The following RIMS1 variants were observed in gnomAD, a reference collection of about 807,000 sequenced individuals.
The protein encoded by RIMS1 is regulating synaptic membrane exocytosis 1.
In RIMS1, 83 loss-of-function variants were observed where a neutral mutation model predicts 214.1. That is an observed-to-expected ratio of 0.39 (90% CI 0.32 to 0.47). RIMS1 has a LOEUF of 0.47. Among genes scored for constraint, RIMS1 ranks in the 20% least tolerant of loss-of-function variants. RIMS1 has a pLI of 0.99. For missense variants in RIMS1, 2,050 were observed against 2,161.8 expected, an observed-to-expected ratio of 0.95 and a Z score of 1.03; for synonymous variants, 793 against 786.8, an observed-to-expected ratio of 1.01 and a Z score of -0.13.
chr6:72,357,849 A>G (rs1461630467), intron 29 of RIMS1, among the ~76,000 whole-genome samples: 2 of 152,230 alleles, frequency 1.3e-5, no homozygotes, highest in African/African-American at 4.8e-5. Context: ...GACAATGCTA[A>G]AAGTATCACC....
chr6:72,139,224 C>T (rs2041787144), intron 4 of RIMS1, among the ~76,000 whole-genome samples: 1 of 152,136 alleles, frequency 6.6e-6, no homozygotes, highest in Non-Finnish European at 1.5e-5. Context: ...TCCTCGTCTT[C>T]ACCACACCTC....
At chr6:72,307,974 A>G (rs952051585) in intron 27 of RIMS1, among the ~76,000 whole-genome samples, 2 of 152,150 alleles carry the variant, frequency 1.3e-5, no homozygotes, top group Admixed American at 6.5e-5. Context: ...AGCAAGATAT[A>G]TGAAGCCATT....
At chr6:72,073,566 A>G (rs1831076314) in intron 2 of RIMS1, among the ~76,000 whole-genome samples, 1 of 152,218 alleles carries the variant, frequency 6.6e-6, no homozygotes, top group South Asian at 2.1e-4. Context: ...TTCACATGAA[A>G]CTTAACACTG....
At chr6:72,261,958 GACAA>G (rs1394891016) in intron 19 of RIMS1, 11 of 984,284 alleles carry the variant, frequency 1.1e-5, no homozygotes, top group African/African-American at 5.3e-5. Flanking sequence ...ACTTGTTCTT[GACAA>G]ACAGTTTCTT....
At chr6:72,047,900 T>C (rs966550207) in intron 2 of RIMS1, among the ~76,000 whole-genome samples, 2 of 152,238 alleles carry the variant, frequency 1.3e-5, no homozygotes, top group African/African-American at 2.4e-5. Flanking sequence ...TTTGTCTTTA[T>C]TTGCTTTCTA....
chr6:71,935,355 T>C (rs560389764), intron 1 of RIMS1, among the ~76,000 whole-genome samples: 1 of 152,348 alleles, frequency 6.6e-6, no homozygotes, highest in East Asian at 1.9e-4. Context: ...ATTAATAGTA[T>C]GTCAGACACA....
chr6:72,284,849 G>GTATGTACACAGGCAT (rs1238860363), intron 24 of RIMS1, among the ~76,000 whole-genome samples: 1 of 152,096 alleles, frequency 6.6e-6, no homozygotes, highest in Non-Finnish European at 1.5e-5. Context: ...GGCATGCACA[G>GTATGTACACAGGCAT]GTACAGTATG....
At chr6:72,101,101 T>C (rs1179463463) in intron 4 of RIMS1, among the ~76,000 whole-genome samples, 2 of 151,960 alleles carry the variant, frequency 1.3e-5, no homozygotes, top group Admixed American at 6.6e-5. Flanking sequence ...AGAGTAAAAG[T>C]GTAAGTAAAT....
chr6:72,076,247 G>GT (rs2153751654), intron 2 of RIMS1, among the ~76,000 whole-genome samples: 1 of 152,270 alleles, frequency 6.6e-6, no homozygotes, highest in African/African-American at 2.4e-5. Context: ...TACCGATGAG[G>GT]AAACTCAGTA....
chr6:72,001,787 G>A (rs1254103720), intron 2 of RIMS1, among the ~76,000 whole-genome samples: 1 of 152,050 alleles, frequency 6.6e-6, no homozygotes, highest in Non-Finnish European at 1.5e-5. Flanking sequence ...ATTCTTTGAG[G>A]TTTCATGACT....
At chr6:72,205,612 A>G (rs1562573385) in intron 6 of RIMS1, among the ~76,000 whole-genome samples, 3 of 152,186 alleles carry the variant, frequency 2.0e-5, no homozygotes, top group African/African-American at 7.2e-5. Context: ...CTTTTCTGTA[A>G]CCCAAATAAT....
intron 28 of RIMS1, among the ~76,000 whole-genome samples, chr6:72,327,611 C>A (rs146230110): frequency 6.6e-6 from 1 of 151,908 alleles, no homozygotes; most frequent in African/African-American, 2.4e-5. Flanking sequence ...AAAGCAGCTG[C>A]ATCACTTTAC....
At chr6:72,322,345 A>G (rs760231594) in intron 28 of RIMS1, among the ~76,000 whole-genome samples, 5 of 152,138 alleles carry the variant, frequency 3.3e-5, no homozygotes, top group African/African-American at 1.2e-4. Flanking sequence ...ATAGGAATCA[A>G]TGTGGCAAAA....
At chr6:72,307,610 C>T (rs2095283769) in intron 27 of RIMS1, among the ~76,000 whole-genome samples, 1 of 149,622 alleles carries the variant, frequency 6.7e-6, no homozygotes. Context: ...CAAAAATTAG[C>T]CGGGCGTGCG....
At chr6:72,261,112 G>A (rs1257596427) in intron 19 of RIMS1, 2 of 1,182,728 alleles carry the variant, frequency 1.7e-6, no homozygotes, top group East Asian at 5.7e-5. Flanking sequence ...TTCCTGTCTA[G>A]TCACAAGAGG....
intron 29 of RIMS1, among the ~76,000 whole-genome samples, chr6:72,383,263 T>G (rs2098524453): frequency 6.6e-6 from 1 of 152,186 alleles, no homozygotes; most frequent in Non-Finnish European, 1.5e-5. Context: ...AATGAGACTT[T>G]TACTTGTCTA....
At chr6:72,366,102 A>G (rs1053475299) in intron 29 of RIMS1, among the ~76,000 whole-genome samples, 22 of 152,258 alleles carry the variant, frequency 1.4e-4, no homozygotes, top group African/African-American at 5.3e-4. Context: ...AGTGCTCAAC[A>G]GAAGTTAGAA....
At chr6:72,362,244 G>A (rs890935893) in intron 29 of RIMS1, among the ~76,000 whole-genome samples, 1 of 152,006 alleles carries the variant, frequency 6.6e-6, no homozygotes, top group African/African-American at 2.4e-5. Flanking sequence ...TTTAATTTAG[G>A]ATGAAGTAGT....
intron 1 of RIMS1, among the ~76,000 whole-genome samples, chr6:71,968,251 G>A (rs1193849415): frequency 1.3e-5 from 2 of 152,184 alleles, no homozygotes; most frequent in African/African-American, 4.8e-5. Context: ...CCAGTGCTCT[G>A]TAAGCCCTGT....
Sources: gnomAD v4.1 joint callset for allele counts (sites outside exome capture counted in the v4.1 genomes callset) on GRCh38, gnomAD v4.1.1 for gene constraint, MANE v1.5 for transcripts, NCBI Gene and HGNC (gene_info 2026-07-23, HGNC 2026-07-21) for gene names.